The following DCAF4 variants were observed in gnomAD, a reference collection of about 807,000 sequenced individuals.
The protein encoded by DCAF4 is DDB1- and CUL4-associated factor 4.
In DCAF4, 37 loss-of-function variants were observed where a neutral mutation model predicts 60.9. The ratio of observed to expected loss-of-function variants is 0.61; its 90% CI spans 0.47 to 0.80. DCAF4 has a LOEUF of 0.80. DCAF4 is among the 30% of genes least tolerant of loss of function. The probability of loss-of-function intolerance (pLI) is 0.00; values close to 1 mark genes in which losing one functional copy is unlikely to be tolerated. For missense variants in DCAF4, 577 were observed against 650.0 expected (o/e 0.89, Z 1.22); for synonymous variants, 243 against 254.8 (o/e 0.95, Z 0.44).
intron 2 of DCAF4, 109 bp downstream of exon 2, chr14:72,938,179 A>C: frequency 7.1e-7 from 1 of 1,409,962 alleles, no homozygotes; most frequent in South Asian, 1.5e-5. Context: ...GCTCGTCCCA[A>C]TGCAGGTTCT....
rs1157185894 is a variant in DCAF4, at chr14:72,959,264, A to G, written c.*459A>G. On this transcript the variant is annotated 3_prime_UTR_variant, in exon 14 of 14. Transcript: ENST00000358377. ...TCTGTACTTGGGGAAGCCAGCGGAG[A>G]GGACGGGGAGGTTACTTCTCTAAGT... 7.1e-6 allele frequency: 7 copies of G among 986,598 alleles called. No homozygotes were observed. The highest frequency in any genetic ancestry group is 8.4e-6 in the Non-Finnish European group (7 of 830,898). The allele number at this position is 986,598 out of a possible 1,614,324, so 61.1% of individuals were successfully genotyped here. A position where few individuals can be genotyped will look rare whatever the true frequency, so the allele number is the denominator to read the frequency against.
chr14:72,941,962 C>G, intron 5 of DCAF4, 138 bp downstream of exon 5: 2 of 838,002 alleles, frequency 2.4e-6, no homozygotes, highest in Non-Finnish European at 3.8e-6. Flanking sequence ...GGCTCCAGTT[C>G]ACACCCTGCC....
intron 1 of DCAF4, among the ~76,000 whole-genome samples, chr14:72,928,210 T>TTTTTTTTTTTTTTTG (rs1887927990): frequency 7.1e-6 from 1 of 141,398 alleles, no homozygotes; most frequent in Non-Finnish European, 1.6e-5. Flanking sequence ...TTTTTTTTTT[T>TTTTTTTTTTTTTTTG]GATACGGAAT....
intron 1 of DCAF4, chr14:72,926,806 C>T (rs1340458573): frequency 6.6e-6 from 1 of 152,302 alleles, no homozygotes; most frequent in Admixed American, 6.5e-5. Flanking sequence ...GAGGGCACCC[C>T]GAGTGTCGCC....
intron 7 of DCAF4, 133 bp downstream of exon 7, chr14:72,946,160 T>A: frequency 8.4e-7 from 1 of 1,196,160 alleles, no homozygotes; most frequent in South Asian, 1.5e-5. Context: ...ACTTGATTTT[T>A]TACTTGAGCC....
chr14:72,930,419 C>G (rs1888407844), intron 1 of DCAF4, among the ~76,000 whole-genome samples: 1 of 152,130 alleles, frequency 6.6e-6, no homozygotes, highest in African/African-American at 2.4e-5. Context: ...CAGGCGCCCG[C>G]CACCACACCG....
chr14:72,953,782 TTGTGTG>T (rs149574612), intron 9 of DCAF4, among the ~76,000 whole-genome samples: 7,054 of 40,686 alleles, frequency 0.17, 1,096 homozygotes, highest in East Asian at 0.48. Flanking sequence ...ATTTATTTAT[TTGTGTG>T]TGTGTGTGTG....
At chr14:72,927,737 G>A (rs1052521309) in intron 1 of DCAF4, among the ~76,000 whole-genome samples, 2 of 152,190 alleles carry the variant, frequency 1.3e-5, no homozygotes, top group African/African-American at 4.8e-5. Flanking sequence ...TACGCTGGGT[G>A]TGGTACCTAG....
rs1594803539 is a variant in DCAF4, at chr14:72,955,455, G to C, written c.1006-68G>C. 3.8e-6 allele frequency: 6 copies of C among 1,559,236 alleles called. No homozygotes were observed. The East Asian group carries it at 1.3e-4, about 35-fold the overall frequency. ...GCTGGAAGAGGGGTTGTATCAGGAG[G>C]ACCTGCCCTGCCCAGCCTCAGAGGG... On this transcript the variant is annotated intron_variant, in intron 11 of 13. Transcript: ENST00000358377.
chr14:72,953,500 A>G (rs1022165527), intron 9 of DCAF4, among the ~76,000 whole-genome samples: 6 of 151,538 alleles, frequency 4.0e-5, no homozygotes, highest in Non-Finnish European at 7.4e-5. Flanking sequence ...GTTTGAGCCC[A>G]GGAGTTCAAG....
At position 72,928,408 on chromosome 14, in the gene DCAF4, G is replaced by C. The variant is rs537475773; in HGVS notation, c.-9+1865G>C. ...AGGTTTTCACCATGTTGGCCAGGAT[G>C]GTCTCACATATCTGCCGACCTCGTG... On this transcript the variant is annotated intron_variant, in intron 1 of 13. Coordinates refer to ENST00000358377, the MANE Select transcript of DCAF4 (RefSeq NM_015604.4). Among the ~76,000 whole-genome samples the C allele has an allele frequency of 1.1e-3, 165 of 147,164 alleles. 7 individuals carry two copies. The South Asian group carries it at 0.035, about 31-fold the overall frequency.
intron 8 of DCAF4, among the ~76,000 whole-genome samples, chr14:72,948,647 T>G (rs1891042593): frequency 6.6e-6 from 1 of 152,192 alleles, no homozygotes; most frequent in South Asian, 2.1e-4. Flanking sequence ...TCCATGTAAT[T>G]GGACTTAAAG....
rs141315052 is a variant in DCAF4 at position 72,955,614 on chromosome 14, G to C, written c.1097G>C (p.Arg366Pro). 8.1e-6 allele frequency: 13 copies of C among 1,614,022 alleles called. No homozygotes were observed. The South Asian group carries it at 8.8e-5, about 11-fold the overall frequency. The change falls in exon 12 of 14, where the codon CGC becomes CCC. Residue 366 changes from arginine (R) to proline (P), a missense_variant. Physicochemically the swap from Arg to Pro is moderately radical, Grantham distance 103. Transcript: ENST00000358377. ...GNQGKGWKATRLFHDSAVTSV... is the reference protein window; with the variant it reads ...GNQGKGWKATPLFHDSAVTSV... ...CAAGGCAAGGGATGGAAGGCCACCC[G>C]CCTGTTTCATGATTCAGCAGTGACC... is the stretch of plus-strand genomic sequence containing the variant.
chr14:72,942,693 C>G (rs1292286022), intron 5 of DCAF4: 1 of 307,992 alleles, frequency 3.2e-6, no homozygotes, highest in Non-Finnish European at 6.0e-6. Context: ...ATCTCCCGCA[C>G]TTTCGTCATC....
chr14:72,931,035 C>T (rs777508884), intron 1 of DCAF4, among the ~76,000 whole-genome samples: 4 of 152,064 alleles, frequency 2.6e-5, no homozygotes, highest in Admixed American at 6.6e-5. Flanking sequence ...TTTGAAATTG[C>T]GAGGTGCGAG....
chr14:72,933,421 T>C (rs1323075379), intron 1 of DCAF4, among the ~76,000 whole-genome samples: 1 of 152,126 alleles, frequency 6.6e-6, no homozygotes, highest in African/African-American at 2.4e-5. Context: ...GAGCCAGGCA[T>C]GGTGGCATGC....
intron 9 of DCAF4, among the ~76,000 whole-genome samples, chr14:72,953,732 A>AAATATATATATAT (rs1555527852): frequency 9.2e-5 from 2 of 21,778 alleles, no homozygotes; most frequent in Admixed American, 8.0e-4. Context: ...AAAAAAAAAA[A>AAATATATATATAT]ATATATATAT....
At chr14:72,934,149 G>A (rs1431547236) in intron 1 of DCAF4, among the ~76,000 whole-genome samples, 1 of 140,420 alleles carries the variant, frequency 7.1e-6, no homozygotes, top group Non-Finnish European at 1.5e-5. Flanking sequence ...GCCTTACGTG[G>A]CATTTTCTTT....
rs1296271642 is a variant in DCAF4, at chr14:72,940,230, G to C, written c.204G>C (p.Gly68=). 1 of 1,614,058 alleles carries C rather than the reference G, an allele frequency of 6.2e-7. No individual in the cohort carries two copies. The highest frequency in any genetic ancestry group is 1.7e-5 in the Admixed American group (1 of 59,974). The part of the protein sequence containing the change: ...AGTSSVPELP[G]FYFDPEKKRY... ...TTTTTTTGTCTAAAGAGCTACCTGG[G>C]TTTTACTTTGACCCTGAAAAGAAAC... The change falls in exon 4 of 14, where the codon GGG becomes GGC. Residue 68 remains glycine (G), a synonymous_variant. Transcript: ENST00000358377.
Sources: gnomAD v4.1 joint callset for allele counts (sites outside exome capture counted in the v4.1 genomes callset) on GRCh38, gnomAD v4.1.1 for gene constraint, MANE v1.5 for transcripts, NCBI Gene and HGNC (gene_info 2026-07-23, HGNC 2026-07-21) for gene names.